Variants in SRPK2 observed in about 807,000 individuals in gnomAD.
SRPK2 encodes the protein SFRS protein kinase 2.
SRPK2 carries 21 observed loss-of-function variants against 90.8 expected under a neutral mutation model. That is an observed-to-expected ratio of 0.23 (90% confidence interval 0.16 to 0.33). The LOEUF (loss-of-function observed/expected upper bound fraction) is 0.33. Among genes scored for constraint, SRPK2 ranks in the 10% least tolerant of loss-of-function variants. SRPK2 has a pLI of 1.00. For synonymous variants in SRPK2, 288 were observed against 311.1 expected (o/e 0.93, Z 0.78); for missense variants, 620 against 869.0 (o/e 0.71, Z 3.60).
chr7:105,262,441 G>A (rs984168070), intron 2 of SRPK2, among the ~76,000 whole-genome samples: 9 of 152,130 alleles, frequency 5.9e-5, no homozygotes, highest in African/African-American at 2.2e-4. Context: ...TGGCTCCAAG[G>A]CGGACGGCTA....
intron 2 of SRPK2, among the ~76,000 whole-genome samples, chr7:105,300,344 C>T (rs938727990): frequency 5.3e-5 from 8 of 150,832 alleles, no homozygotes; most frequent in Non-Finnish European, 2.9e-5. Context: ...TATAGTTATA[C>T]ATCTGACATC....
chr7:105,193,535 T>G (rs1794558549), intron 3 of SRPK2, among the ~76,000 whole-genome samples: 1 of 152,298 alleles, frequency 6.6e-6, no homozygotes, highest in African/African-American at 2.4e-5. Flanking sequence ...CGGTTCCATG[T>G]GAATTTTAGG....
intron 2 of SRPK2, among the ~76,000 whole-genome samples, chr7:105,299,886 T>A (rs1034146207): frequency 1.3e-5 from 2 of 150,018 alleles, no homozygotes; most frequent in Non-Finnish European, 3.0e-5. Flanking sequence ...AGAGAGAGAC[T>A]CCATCTCAAA....
chr7:105,183,142 T>C (rs1435096775), intron 3 of SRPK2, among the ~76,000 whole-genome samples: 1 of 152,178 alleles, frequency 6.6e-6, no homozygotes, highest in Non-Finnish European at 1.5e-5. Flanking sequence ...TAAATACAAA[T>C]AAGGATCTCT....
At chr7:105,373,992 A>G (rs1820002229) in intron 2 of SRPK2, among the ~76,000 whole-genome samples, 1 of 152,150 alleles carries the variant, frequency 6.6e-6, no homozygotes. Context: ...CAGTGGCATG[A>G]TCTTGGCTCC....
chr7:105,307,981 C>T (rs1429922289), intron 2 of SRPK2, among the ~76,000 whole-genome samples: 1 of 152,040 alleles, frequency 6.6e-6, no homozygotes, highest in African/African-American at 2.4e-5. Context: ...GAGGTTAACA[C>T]AAAATAACAT....
intron 2 of SRPK2, among the ~76,000 whole-genome samples, chr7:105,277,116 G>T (rs180808191): frequency 1.3e-5 from 2 of 151,354 alleles, no homozygotes; most frequent in Non-Finnish European, 2.9e-5. Flanking sequence ...TCACTCTGTC[G>T]CCCAGGCTGG....
chr7:105,352,702 C>A (rs1004672938), intron 2 of SRPK2, among the ~76,000 whole-genome samples: 1 of 152,182 alleles, frequency 6.6e-6, no homozygotes, highest in East Asian at 1.9e-4. Context: ...GGTATCGAGA[C>A]CAGCCTGGCC....
At chr7:105,247,528 ATAAACACACAC>A (rs1222216369) in intron 2 of SRPK2, among the ~76,000 whole-genome samples, 2 of 89,096 alleles carry the variant, frequency 2.2e-5, no homozygotes, top group Non-Finnish European at 4.8e-5. Context: ...ACACACACAC[ATAAACACACAC>A]ACACACACAC....
At chr7:105,168,526 G>A (rs1022519786) in intron 4 of SRPK2, among the ~76,000 whole-genome samples, 1 of 152,048 alleles carries the variant, frequency 6.6e-6, no homozygotes, top group Non-Finnish European at 1.5e-5. Context: ...AGAAACATAA[G>A]CTTTCCTTTA....
At chr7:105,345,564 G>T (rs545873646) in intron 2 of SRPK2, among the ~76,000 whole-genome samples, 4 of 152,166 alleles carry the variant, frequency 2.6e-5, no homozygotes, top group Admixed American at 6.6e-5. Context: ...TGTAACAATT[G>T]TAAGTTATTA....
intron 3 of SRPK2, among the ~76,000 whole-genome samples, chr7:105,184,323 A>G (rs1793294640): frequency 6.6e-6 from 1 of 152,140 alleles, no homozygotes; most frequent in South Asian, 2.1e-4. Flanking sequence ...ATAATGCCAG[A>G]CACAGCTATT....
chr7:105,221,221 T>A (rs1272007165), intron 2 of SRPK2, among the ~76,000 whole-genome samples: 1 of 152,220 alleles, frequency 6.6e-6, no homozygotes, highest in African/African-American at 2.4e-5. Flanking sequence ...CTGTTGCCAT[T>A]ATACGCTTGT....
Position 105,293,065 on chromosome 7 carries a change from G to T in SRPK2, c.72-89280C>A, listed in dbSNP as rs574663870. Among the ~76,000 whole-genome samples, 58 of 152,036 alleles carry T rather than the reference G, an allele frequency of 3.8e-4. No homozygotes were observed. In the South Asian group the frequency reaches 0.012, roughly 32 times the overall value. ...TGGGAGGCCAAGGGGGAGGAGGGAG[G>T]GGGGCGCGGATCACCTGAGGTCAGG... On this transcript the variant is annotated intron_variant, in intron 2 of 15. Coordinates refer to ENST00000393651, the MANE Select transcript of SRPK2 (RefSeq NM_182692.3).
Position 105,230,192 on chromosome 7 carries a change from A to T in SRPK2, c.72-26407T>A, listed in dbSNP as rs548871744. ...CACAGAGTCCTTTAATAAAACAGAAAGGTACAAATGAGAATGATACCTAAG... is the reference window on the plus strand; with the variant it reads ...CACAGAGTCCTTTAATAAAACAGAATGGTACAAATGAGAATGATACCTAAG... On this transcript the variant is annotated intron_variant, in intron 2 of 15. Coordinates refer to ENST00000393651, the MANE Select transcript of SRPK2 (RefSeq NM_182692.3). Among the ~76,000 whole-genome samples, 9 of 152,352 alleles carry T rather than the reference A, an allele frequency of 5.9e-5. No individual in the cohort carries two copies. In the South Asian group the frequency reaches 1.9e-3, roughly 32 times the overall value.
At chr7:105,332,715 A>G (rs1407208130) in intron 2 of SRPK2, 1 of 152,046 alleles carries the variant, frequency 6.6e-6, no homozygotes, top group African/African-American at 2.4e-5. Flanking sequence ...CAGTGAGCAC[A>G]TATCATGCCA....
At chr7:105,339,356 T>C (rs997869469) in intron 2 of SRPK2, among the ~76,000 whole-genome samples, 1 of 152,198 alleles carries the variant, frequency 6.6e-6, no homozygotes, top group Non-Finnish European at 1.5e-5. Flanking sequence ...ACCTCATTCA[T>C]TCCATAAGCA....
intron 2 of SRPK2, among the ~76,000 whole-genome samples, chr7:105,294,472 G>T (rs1173257480): frequency 1.3e-5 from 2 of 152,130 alleles, no homozygotes; most frequent in African/African-American, 4.8e-5. Flanking sequence ...GAAACGAAGG[G>T]AAAGCTATGC....
chr7:105,189,688 C>G (rs1166309613), intron 3 of SRPK2: 1 of 152,356 alleles, frequency 6.6e-6, no homozygotes, highest in Non-Finnish European at 1.5e-5. Context: ...ACAAGAATCA[C>G]TTGAACCTGG....
Sources: gnomAD v4.1 joint callset for allele counts (sites outside exome capture counted in the v4.1 genomes callset) on GRCh38, gnomAD v4.1.1 for gene constraint, MANE v1.5 for transcripts, NCBI Gene and HGNC (gene_info 2026-07-23, HGNC 2026-07-21) for gene names.